PREX1: variants seen among roughly 807,000 people sequenced by gnomAD.
PREX1 encodes phosphatidylinositol-3,4,5-trisphosphate dependent Rac exchange factor 1.
Under a neutral mutation model 198.3 loss-of-function variants are expected in PREX1, and 41 were observed. The observed-to-expected ratio is 0.21, with a 90% CI of 0.16 to 0.27. The LOEUF is 0.27. Among genes scored for constraint, PREX1 ranks in the 10% least tolerant of loss-of-function variants. The pLI is 1.00. For missense variants in PREX1, 1,620 were observed against 2,200.7 expected, an observed-to-expected ratio of 0.74 and a Z score of 5.28; for synonymous variants, 843 against 887.2, an observed-to-expected ratio of 0.95 and a Z score of 0.89.
chr20:48,677,057 T>C (rs1280970172), intron 13 of PREX1, among the ~76,000 whole-genome samples: 1 of 152,186 alleles, frequency 6.6e-6, no homozygotes, highest in Non-Finnish European at 1.5e-5. Flanking sequence ...AACGCGCTTC[T>C]GTGGCCAGTC....
intron 3 of PREX1, among the ~76,000 whole-genome samples, chr20:48,736,824 T>C (rs1377201843): frequency 6.6e-6 from 1 of 152,144 alleles, no homozygotes; most frequent in Non-Finnish European, 1.5e-5. Context: ...TGCAGTGACA[T>C]AAAAAGCCAC....
intron 3 of PREX1, among the ~76,000 whole-genome samples, chr20:48,737,235 A>C (rs1000431131): frequency 6.6e-6 from 1 of 150,430 alleles, no homozygotes; most frequent in African/African-American, 2.4e-5. Flanking sequence ...AAAAAAAAAA[A>C]AAAAAAAAAG....
chr20:48,760,126 A>G (rs949866089), intron 1 of PREX1, among the ~76,000 whole-genome samples: 6 of 151,492 alleles, frequency 4.0e-5, no homozygotes, highest in Non-Finnish European at 8.8e-5. Context: ...AAAAAAAAGC[A>G]TTGGCTATTA....
In PREX1 at chr20:48,659,934, C is replaced by G; in HGVS notation, c.1866G>C (p.Leu622=). 6.2e-7 allele frequency: 1 copy of G among 1,614,198 alleles called. No homozygotes were observed. The highest frequency in any genetic ancestry group is 1.7e-5 in the Admixed American group (1 of 60,032). Residue 622 remains leucine, a synonymous_variant, in exon 16 of 40, where the codon CTG becomes CTC. Coordinates refer to ENST00000371941, the MANE Select transcript of PREX1 (RefSeq NM_020820.4). ...GTGCTCCTACCAGCAGGCGCTTGGC[C>G]AGAATGTTCTCCACCAGCTTGAAGT... ...RNDFKLVENI[L]AKRLLILPQE... is the part of the protein sequence containing the mutation.
chr20:48,642,516 TCA>T (rs1215965809), intron 27 of PREX1, 27 bp from the exon 28 acceptor site: 1 of 1,586,698 alleles, frequency 6.3e-7, no homozygotes, highest in African/African-American at 1.3e-5. Context: ...GCAGCAGCCA[TCA>T]GTCATTCCTG....
At chr20:48,746,819 T>C (rs961775879) in intron 2 of PREX1, among the ~76,000 whole-genome samples, 2 of 152,096 alleles carry the variant, frequency 1.3e-5, no homozygotes, top group Non-Finnish European at 2.9e-5. Flanking sequence ...TAATAAATAA[T>C]TTGTAAACTA....
At chr20:48,876,090 A>G in the PREX1 span, among the ~76,000 whole-genome samples, 1 of 152,110 alleles carries the variant, frequency 6.6e-6, no homozygotes, top group Admixed American at 6.6e-5. Flanking sequence ...TGAGTGAGTC[A>G]TTGGGGCCCT....
intron 6 of PREX1, among the ~76,000 whole-genome samples, chr20:48,703,673 A>G (rs2143563): frequency 0.57 from 86,309 of 151,822 alleles, 26,363 homozygotes; most frequent in African/African-American, 0.8. Flanking sequence ...AAGCCCCAAG[A>G]TCACACAGCC....
At chr20:48,858,382 C>T in the PREX1 span, among the ~76,000 whole-genome samples, 1 of 152,242 alleles carries the variant, frequency 6.6e-6, no homozygotes, top group Admixed American at 6.5e-5. Context: ...ATATTCTCCT[C>T]GGCTTCTGCA....
At chr20:48,700,715 A>G (rs1175499576) in intron 7 of PREX1, 38 bp downstream of exon 7, 2 of 1,609,714 alleles carry the variant, frequency 1.2e-6, no homozygotes, top group Non-Finnish European at 1.7e-6. Context: ...TGGAGAAGGC[A>G]GCAGGCCAGA....
intron 37 of PREX1, among the ~76,000 whole-genome samples, chr20:48,628,669 C>A (rs1170908903): frequency 1.3e-5 from 2 of 152,196 alleles, no homozygotes; most frequent in African/African-American, 4.8e-5. Context: ...GGGGATAAAA[C>A]TGCCCCTAGG....
At chr20:48,803,585 C>G (rs891413487) in intron 1 of PREX1, among the ~76,000 whole-genome samples, 1 of 152,178 alleles carries the variant, frequency 6.6e-6, no homozygotes, top group Non-Finnish European at 1.5e-5. Flanking sequence ...CTGCAACACA[C>G]AGGGCCACAC....
At chr20:48,881,340 G>T in the PREX1 span, among the ~76,000 whole-genome samples, 1 of 152,092 alleles carries the variant, frequency 6.6e-6, no homozygotes, top group Admixed American at 6.6e-5. Flanking sequence ...TTTTTAAAAT[G>T]CTCCTTTTAA....
At chr20:48,792,852 ACATAG>A (rs1223492799) in intron 1 of PREX1, among the ~76,000 whole-genome samples, 1 of 149,724 alleles carries the variant, frequency 6.7e-6, no homozygotes. Flanking sequence ...ACACACACAC[ACATAG>A]TATGATTCCA....
In PREX1 at chr20:48,666,768, G is replaced by A. The variant is rs941282003; in HGVS notation, c.1666-413C>T. 6.6e-5 allele frequency among the ~76,000 whole-genome samples: 10 copies of A among 152,042 alleles called. 1 individual carries two copies. The highest frequency in any genetic ancestry group is 3.3e-4 in the Admixed American group (5 of 15,266). On this transcript the variant is annotated intron_variant, in intron 14 of 39. Transcript: ENST00000371941. This position sits in a 1 kb window ranked among gnomAD's most constrained non-coding sequence, Gnocchi z 4.3. The stretch of plus-strand genomic sequence containing the variant: ...TCTCAATCTCCTGACCTCGTGATCC[G>A]TCCGTCTTGGCCTCCCAAAGTGCTG...
At chr20:48,801,805 A>G (rs1253674956) in intron 1 of PREX1, among the ~76,000 whole-genome samples, 1 of 152,194 alleles carries the variant, frequency 6.6e-6, no homozygotes, top group Non-Finnish European at 1.5e-5. Flanking sequence ...TGAGTCATGG[A>G]GGCGGACCCC....
Position 48,827,181 on chromosome 20 carries a change from T to G in PREX1, c.219+461A>C, listed in dbSNP as rs1467519905. The stretch of plus-strand genomic sequence containing the variant: ...CCGCCCCTCCTCTGAGCTTCAGGTT[T>G]TATCCTACTCCATCAACGCGCAGGG... On this transcript the variant is annotated intron_variant, in intron 1 of 39. Coordinates refer to ENST00000371941, the MANE Select transcript of PREX1 (RefSeq NM_020820.4). This position sits in a 1 kb window ranked among gnomAD's most constrained non-coding sequence, Gnocchi z 4.1. Among the ~76,000 whole-genome samples, 3 of 152,114 alleles carry G rather than the reference T, an allele frequency of 2.0e-5. No individual in the cohort carries two copies. Among genetic ancestry groups the G allele is most frequent in the Non-Finnish European group, 4.4e-5 (3 of 68,006 alleles).
At chr20:48,789,006 T>G (rs2122960403) in intron 1 of PREX1, among the ~76,000 whole-genome samples, 1 of 152,316 alleles carries the variant, frequency 6.6e-6, no homozygotes, top group Middle Eastern at 3.4e-3. Context: ...TCCATAACTG[T>G]AAGAAGAAAG....
intron 1 of PREX1, among the ~76,000 whole-genome samples, chr20:48,797,336 TC>T (rs1199740535): frequency 7.4e-6 from 1 of 136,028 alleles, no homozygotes; most frequent in African/African-American, 2.8e-5. Flanking sequence ...GGCCCCCTGC[TC>T]CCCCCAGACC....
Sources: allele counts gnomAD v4.1 joint callset (sites outside exome capture counted in the v4.1 genomes callset), GRCh38; gene constraint gnomAD v4.1.1; non-coding constraint Gnocchi (gnomAD v3.1); transcripts MANE v1.5; gene names NCBI Gene and HGNC (gene_info 2026-07-23, HGNC 2026-07-21).